Variants in EML1 observed in about 807,000 individuals in gnomAD.
EML1 encodes EMAP like 1.
EML1 carries 27 observed loss-of-function variants against 110.4 expected under a neutral mutation model. The ratio of observed to expected loss-of-function variants is 0.24; its 90% CI spans 0.18 to 0.34. EML1 has a LOEUF of 0.34. Among genes scored for constraint, EML1 ranks in the 10% least tolerant of loss-of-function variants. The probability of loss-of-function intolerance (pLI) is 1.00; values close to 1 mark genes in which losing one functional copy is unlikely to be tolerated. For missense variants in EML1, 741 were observed against 1,030.9 expected (o/e 0.72, Z 3.85); for synonymous variants, 344 against 385.8 (o/e 0.89, Z 1.27).
chr14:99,876,796 G>T (rs569653267), intron 3 of EML1, among the ~76,000 whole-genome samples: 2 of 152,286 alleles, frequency 1.3e-5, no homozygotes, highest in South Asian at 4.1e-4. Flanking sequence ...TACAGAGCAG[G>T]TGCTGCATTA....
rs368490489 is a variant in EML1 at position 99,801,338 on chromosome 14, G to A, written c.67+7795G>A. Among the ~76,000 whole-genome samples the A allele has an allele frequency of 1.2e-4, 19 of 152,230 alleles. No homozygotes were observed. In the East Asian group the frequency reaches 1.5e-3, roughly 12 times the overall value. On this transcript the variant is annotated intron_variant, in intron 1 of 21. Transcript: ENST00000262233. ...CATTAGATTCTCCTAGTAATTGGCC[G>A]GGCACGGTGGCTCATGCCTGTAATC... is the stretch of plus-strand genomic sequence containing the variant.
chr14:99,928,705 C>T (rs2060312990), intron 17 of EML1, among the ~76,000 whole-genome samples: 2 of 152,130 alleles, frequency 1.3e-5, no homozygotes, highest in African/African-American at 4.8e-5. Flanking sequence ...TTATTGACAG[C>T]GTCAACTCTG....
At chr14:99,874,727 C>T (rs980349820) in intron 3 of EML1, among the ~76,000 whole-genome samples, 5 of 152,288 alleles carry the variant, frequency 3.3e-5, no homozygotes, top group African/African-American at 1.2e-4. Context: ...AAAAGTTTAA[C>T]ATTTTAATGC....
At chr14:99,779,430 G>T (rs2057516463) in intron 1 of EML1, among the ~76,000 whole-genome samples, 1 of 152,118 alleles carries the variant, frequency 6.6e-6, no homozygotes, top group Admixed American at 6.5e-5. Flanking sequence ...TGTCTGTGTT[G>T]TCTGTTTCCT....
At chr14:99,848,960 CA>C (rs35648071) in intron 1 of EML1, among the ~76,000 whole-genome samples, 93,760 of 135,048 alleles carry the variant, frequency 0.69, 30,849 homozygotes, top group African/African-American at 0.77. Context: ...AAGACCCTGT[CA>C]AAAAAAAAAA....
intron 6 of EML1, among the ~76,000 whole-genome samples, chr14:99,895,132 C>T (rs923861064): frequency 5.9e-5 from 9 of 152,036 alleles, no homozygotes; most frequent in Middle Eastern, 3.4e-3. Flanking sequence ...GTTTCTGGTC[C>T]GAATTTTATT....
At chr14:99,902,562 T>C (rs1472414856) in intron 9 of EML1, among the ~76,000 whole-genome samples, 1 of 152,242 alleles carries the variant, frequency 6.6e-6, no homozygotes, top group African/African-American at 2.4e-5. Context: ...ACTGATTAGT[T>C]TGGAAAAATA....
At chr14:99,791,856 G>T (rs573608868), upstream of EML1, among the ~76,000 whole-genome samples, 1 of 152,266 alleles carries the variant, frequency 6.6e-6, no homozygotes, top group Admixed American at 6.5e-5. Flanking sequence ...CTGGCCCCTT[G>T]CCCTCAGTCC....
chr14:99,926,399 C>T (rs1852129214), intron 17 of EML1, among the ~76,000 whole-genome samples: 1 of 151,518 alleles, frequency 6.6e-6, no homozygotes, highest in African/African-American at 2.4e-5. Flanking sequence ...ATTCTCCTGC[C>T]TCGGCCTCCT....
intron 1 of EML1, among the ~76,000 whole-genome samples, chr14:99,782,237 T>C (rs923961189): frequency 1.2e-4 from 18 of 152,052 alleles, no homozygotes; most frequent in Non-Finnish European, 1.9e-4. Flanking sequence ...GGTTTGGGCC[T>C]GACAGGACTG....
intron 1 of EML1, among the ~76,000 whole-genome samples, chr14:99,840,156 T>A (rs531384316): frequency 6.6e-6 from 1 of 152,376 alleles, no homozygotes; most frequent in Admixed American, 6.5e-5. Flanking sequence ...TATCTGCAAA[T>A]TATTGAGCAA....
chr14:99,925,275 CTTTT>C (rs972066503), intron 17 of EML1, among the ~76,000 whole-genome samples: 4 of 136,034 alleles, frequency 2.9e-5, no homozygotes, highest in South Asian at 2.4e-4. Context: ...TTTCTTTTTT[CTTTT>C]TTTTTTTTTT....
chr14:99,830,739 CG>C (rs1336454162), intron 1 of EML1, among the ~76,000 whole-genome samples: 1 of 151,746 alleles, frequency 6.6e-6, no homozygotes, highest in Non-Finnish European at 1.5e-5. Context: ...TTAGTAGAGA[CG>C]GGGTTTCACC....
chr14:99,934,049 C>T (rs746416687), intron 17 of EML1, among the ~76,000 whole-genome samples: 6 of 152,186 alleles, frequency 3.9e-5, no homozygotes, highest in Non-Finnish European at 7.3e-5. Flanking sequence ...GAGCTGAGAT[C>T]GTGCCATTAC....
At chr14:99,755,071 G>A (rs146960213) in intron 1 of EML1, among the ~76,000 whole-genome samples, 128 of 152,356 alleles carry the variant, frequency 8.4e-4, no homozygotes, top group African/African-American at 3.0e-3. Flanking sequence ...TGTTCTTTTG[G>A]GAAATGGGAT....
At chr14:99,887,918 T>C (rs561570430) in intron 4 of EML1, among the ~76,000 whole-genome samples, 20 of 152,308 alleles carry the variant, frequency 1.3e-4, no homozygotes, top group African/African-American at 4.8e-4. Context: ...TTTGTGGGCT[T>C]ATATGCCAAG....
intron 1 of EML1, among the ~76,000 whole-genome samples, chr14:99,752,309 C>T (rs2057186047): frequency 6.6e-6 from 1 of 152,162 alleles, no homozygotes; most frequent in South Asian, 2.1e-4. Context: ...ATGACACACA[C>T]CCACAGTCCT....
At chr14:99,739,050 A>AAGTGAGAG (rs1458071773) in intron 1 of EML1, among the ~76,000 whole-genome samples, 1 of 122,942 alleles carries the variant, frequency 8.1e-6, no homozygotes, top group Non-Finnish European at 1.8e-5. Flanking sequence ...GGAACAGAGC[A>AAGTGAGAG]AGTGAGAGTG....
intron 3 of EML1, among the ~76,000 whole-genome samples, chr14:99,868,728 A>G (rs904611893): frequency 6.6e-6 from 1 of 150,860 alleles, no homozygotes; most frequent in African/African-American, 2.4e-5. Context: ...GGGTTTTTCA[A>G]TTTTGTTGAT....
Sources: allele counts gnomAD v4.1 joint callset (sites outside exome capture counted in the v4.1 genomes callset), GRCh38; gene constraint gnomAD v4.1.1; transcripts MANE v1.5; gene names NCBI Gene and HGNC (gene_info 2026-07-23, HGNC 2026-07-21).